CWC27: variants seen among roughly 807,000 people sequenced by gnomAD.
CWC27 encodes spliceosome-associated protein CWC27 homolog.
CWC27 carries 47 observed loss-of-function variants against 63.6 expected under a neutral mutation model. That is an observed-to-expected ratio of 0.74 (90% CI 0.58 to 0.94). The LOEUF is 0.94. CWC27 is among the 40% of genes least tolerant of loss of function. CWC27 has a pLI of 0.00. For missense variants in CWC27, 495 were observed against 554.3 expected (o/e 0.89, Z 1.07); for synonymous variants, 175 against 179.8 (o/e 0.97, Z 0.22).
At chr5:64,933,588 G>A (rs1027431392) in intron 11 of CWC27, among the ~76,000 whole-genome samples, 1 of 151,440 alleles carries the variant, frequency 6.6e-6, no homozygotes, top group Non-Finnish European at 1.5e-5. Flanking sequence ...CACCTCCCAG[G>A]TTCAAGCTAT....
At chr5:64,844,000 G>A (rs539683864) in intron 10 of CWC27, among the ~76,000 whole-genome samples, 19 of 152,024 alleles carry the variant, frequency 1.2e-4, no homozygotes, top group African/African-American at 4.6e-4. Context: ...TGCTACACTT[G>A]GAAACAAGCC....
At chr5:64,913,161 T>C (rs1747825000) in intron 11 of CWC27, among the ~76,000 whole-genome samples, 1 of 152,142 alleles carries the variant, frequency 6.6e-6, no homozygotes, top group Non-Finnish European at 1.5e-5. Flanking sequence ...CATTTCATCA[T>C]TTTGATAGGA....
intron 11 of CWC27, among the ~76,000 whole-genome samples, chr5:64,895,186 C>T (rs1274568814): frequency 6.6e-6 from 1 of 152,000 alleles, no homozygotes; most frequent in Non-Finnish European, 1.5e-5. Flanking sequence ...AATATGTGTT[C>T]ACAGATAATA....
In CWC27 at chr5:64,805,422, G is replaced by A. The variant is rs2112217233; in HGVS notation, c.938+1036G>A. ...AGACTAAAGATTTTAGTGATCATAT[G>A]CATGCTTCTAGATTCATAGAGTTGA... On this transcript the variant is annotated intron_variant, in intron 10 of 13. Coordinates refer to ENST00000381070, the MANE Select transcript of CWC27 (RefSeq NM_005869.4). Among the ~76,000 whole-genome samples the A allele has an allele frequency of 2.0e-5, 3 of 151,300 alleles. 1 individual carries two copies. The highest frequency in any genetic ancestry group is 2.0e-4 in the Admixed American group (3 of 15,152).
At position 64,777,323 on chromosome 5, in the gene CWC27, A is replaced by C. The variant is rs150171383; in HGVS notation, c.139+2536A>C. Among the ~76,000 whole-genome samples, 10 of 152,248 alleles carry C rather than the reference A, an allele frequency of 6.6e-5. No homozygotes were observed. In the East Asian group the frequency reaches 1.9e-3, roughly 29 times the overall value. ...GCATAAATATGCTATAAGTTAAAAG[A>C]AATTTCTTTACAAAACTAAAATATT... On this transcript the variant is annotated intron_variant, in intron 2 of 13. Coordinates refer to ENST00000381070, the MANE Select transcript of CWC27 (RefSeq NM_005869.4).
intron 12 of CWC27, among the ~76,000 whole-genome samples, chr5:64,973,085 G>A (rs73111507): frequency 0.061 from 9,329 of 152,154 alleles, 707 homozygotes; most frequent in African/African-American, 0.18. Context: ...GGAACAGTGC[G>A]TACATGAAAA....
chr5:64,955,192 A>AAAT (rs1018739668), intron 11 of CWC27, among the ~76,000 whole-genome samples: 2 of 152,142 alleles, frequency 1.3e-5, no homozygotes, highest in Admixed American at 1.3e-4. Context: ...ATTCACTGCC[A>AAAT]AATAATAATA....
intron 13 of CWC27, among the ~76,000 whole-genome samples, chr5:64,994,569 A>T (rs1749595821): frequency 1.3e-5 from 2 of 152,204 alleles, no homozygotes; most frequent in Admixed American, 6.5e-5. Flanking sequence ...TGACAATTTT[A>T]TACACCAATA....
intron 10 of CWC27, among the ~76,000 whole-genome samples, chr5:64,845,308 A>AT (rs1271194966): frequency 6.6e-6 from 1 of 152,250 alleles, no homozygotes; most frequent in East Asian, 1.9e-4. Context: ...CATAGACAAT[A>AT]ACACAAGGAC....
intron 11 of CWC27, among the ~76,000 whole-genome samples, chr5:64,935,506 C>G (rs1748327111): frequency 6.6e-6 from 1 of 152,138 alleles, no homozygotes; most frequent in African/African-American, 2.4e-5. Context: ...GTTACTGTAG[C>G]CTTGTAGTAT....
At chr5:64,898,887 C>T (rs1334499347) in intron 11 of CWC27, among the ~76,000 whole-genome samples, 2 of 152,050 alleles carry the variant, frequency 1.3e-5, no homozygotes, top group Non-Finnish European at 1.5e-5. Context: ...ATTCCAGCAA[C>T]GGGGAAGAGG....
At position 64,977,148 on chromosome 5, in the gene CWC27, T is replaced by G. The variant is rs1749241310; in HGVS notation, c.1166T>G (p.Leu389Arg). The change falls in exon 13 of 14, where the codon CTG (leucine) becomes CGG (arginine). Residue 389 changes from leucine to arginine, a missense_variant. Coordinates refer to ENST00000381070, the MANE Select transcript of CWC27 (RefSeq NM_005869.4). The part of the protein sequence containing the change: ...TSREDQTLAL[L>R]NQFKSKLTQA... ...TTGTTATTTCAGACCCTTGCACTGC[T>G]GAACCAGTTTAAATCTAAACTCACT... The G allele has an allele frequency of 6.2e-7, 1 of 1,609,148 alleles. No individual in the cohort carries two copies. The highest frequency in any genetic ancestry group is 1.1e-5 in the South Asian group (1 of 89,994).
intron 11 of CWC27, among the ~76,000 whole-genome samples, chr5:64,904,671 T>A (rs1314623677): frequency 6.6e-6 from 1 of 152,182 alleles, no homozygotes; most frequent in Admixed American, 6.5e-5. Flanking sequence ...GGAAGGAGAG[T>A]TAGTCTTCAT....
At chr5:64,979,402 T>C (rs1445190278) in intron 13 of CWC27, among the ~76,000 whole-genome samples, 3 of 152,242 alleles carry the variant, frequency 2.0e-5, no homozygotes, top group Non-Finnish European at 4.4e-5. Flanking sequence ...CAAGGCACTA[T>C]GCAGAATCAG....
intron 10 of CWC27, among the ~76,000 whole-genome samples, chr5:64,824,957 C>A (rs1277673677): frequency 6.6e-6 from 1 of 151,918 alleles, no homozygotes; most frequent in Non-Finnish European, 1.5e-5. Flanking sequence ...TGGTCTCGAT[C>A]TCCTGACCTC....
intron 11 of CWC27, among the ~76,000 whole-genome samples, chr5:64,903,112 T>C (rs772669428): frequency 2.8e-4 from 42 of 152,196 alleles, no homozygotes; most frequent in Non-Finnish European, 4.4e-4. Context: ...TGAAAGACAG[T>C]GTGGCAATTC....
At chr5:64,888,121 G>C (rs1747120843) in intron 11 of CWC27, among the ~76,000 whole-genome samples, 2 of 151,722 alleles carry the variant, frequency 1.3e-5, no homozygotes, top group African/African-American at 4.8e-5. Context: ...GAAAATACAA[G>C]ATCAGCCGGA....
At chr5:64,895,963 C>A (rs866208456) in intron 11 of CWC27, among the ~76,000 whole-genome samples, 17 of 151,926 alleles carry the variant, frequency 1.1e-4, no homozygotes, top group African/African-American at 4.1e-4. Context: ...CAAATAGAGG[C>A]AATATTTAGA....
chr5:64,954,401 G>A (rs545459319), intron 11 of CWC27, among the ~76,000 whole-genome samples: 70 of 151,950 alleles, frequency 4.6e-4, no homozygotes, highest in South Asian at 4.2e-4. Flanking sequence ...CGATCCTCCC[G>A]ACTCATCCTC....
Sources: gnomAD v4.1 joint callset for allele counts (sites outside exome capture counted in the v4.1 genomes callset) on GRCh38, gnomAD v4.1.1 for gene constraint, MANE v1.5 for transcripts, NCBI Gene and HGNC (gene_info 2026-07-23, HGNC 2026-07-21) for gene names.